EIF4E2: variants seen among roughly 807,000 people sequenced by gnomAD.
The protein encoded by EIF4E2 is eukaryotic translation initiation factor 4E family member 2.
A neutral mutation model predicts 34.2 loss-of-function variants in EIF4E2; 13 were observed. That is an observed-to-expected ratio of 0.38 (90% confidence interval 0.25 to 0.60). The LOEUF is 0.60. EIF4E2 is among the 20% of genes least tolerant of loss of function. The pLI, the probability that EIF4E2 is intolerant of heterozygous loss-of-function variation, is 0.62. For missense variants in EIF4E2, 222 were observed against 315.1 expected, an observed-to-expected ratio of 0.70 and a Z score of 2.24; for synonymous variants, 100 against 106.6, an observed-to-expected ratio of 0.94 and a Z score of 0.38.
downstream of EIF4E2, among the ~76,000 whole-genome samples, chr2:232,572,293 G>C (rs1022013037): frequency 2.6e-5 from 4 of 152,158 alleles, no homozygotes; most frequent in African/African-American, 9.7e-5. Context: ...GAATAAGAGT[G>C]ATTATACCAA....
At chr2:232,551,672 C>T (rs1692334911) in intron 1 of EIF4E2, among the ~76,000 whole-genome samples, 1 of 152,180 alleles carries the variant, frequency 6.6e-6, no homozygotes, top group African/African-American at 2.4e-5. Context: ...TCAGATCACA[C>T]TCAGCGATGC....
At position 232,564,239 on chromosome 2, in the gene EIF4E2, C is replaced by G. The variant is rs142557943; in HGVS notation, c.271-8C>G. 7 of 1,577,214 alleles carry G rather than the reference C, an allele frequency of 4.4e-6. No homozygotes were observed. The South Asian group carries it at 8.1e-5, about 18-fold the overall frequency. ...CATGTTTTTTACTCTGGGGTCTTCT[C>G]TCTGCAGGTGGAGCAGTTCTGGAGG... On this transcript the variant is annotated splice_polypyrimidine_tract_variant and splice_region_variant and intron_variant, in intron 3 of 6. Transcript: ENST00000258416.
chr2:232,557,537 A>G (rs1203567670), intron 2 of EIF4E2: 2 of 223,862 alleles, frequency 8.9e-6, no homozygotes, highest in South Asian at 7.8e-5. Flanking sequence ...AGGTAAGAAG[A>G]TGAGGCACAA....
At chr2:232,563,183 C>T (rs898973947) in intron 3 of EIF4E2, among the ~76,000 whole-genome samples, 19 of 152,196 alleles carry the variant, frequency 1.2e-4, no homozygotes, top group Admixed American at 5.2e-4. Context: ...TCCGTGTTTT[C>T]TCTTTCCTCC....
intron 1 of EIF4E2, among the ~76,000 whole-genome samples, chr2:232,552,810 A>G (rs1220895055): frequency 6.7e-6 from 1 of 150,170 alleles, no homozygotes; most frequent in East Asian, 1.9e-4. Context: ...AAAAAAAAAG[A>G]AAAACAAGCT....
rs137974297 is a variant in EIF4E2 at position 232,564,631 on chromosome 2, T to C, written c.375+280T>C. ...GCGCCCGGCTAATTTTTTGTGTTTT[T>C]TAGTAGAGACGGAGTTTCACCGTGT... is the stretch of plus-strand genomic sequence containing the variant. On this transcript the variant is annotated intron_variant, in intron 4 of 6. Transcript: ENST00000258416. Among the ~76,000 whole-genome samples, 596 of 152,298 alleles carry C rather than the reference T, an allele frequency of 3.9e-3. 4 individuals carry two copies. The highest frequency in any genetic ancestry group is 0.014 in the African/African-American group (582 of 41,542).
chr2:232,580,456 C>A (rs533477919), intron 6 of EIF4E2, among the ~76,000 whole-genome samples: 1 of 152,290 alleles, frequency 6.6e-6, no homozygotes, highest in Admixed American at 6.5e-5. Context: ...TCCTGTGTAG[C>A]CTTGCAAAGT....
chr2:232,557,272 A>G (rs1169847825), intron 2 of EIF4E2, among the ~76,000 whole-genome samples: 1 of 152,150 alleles, frequency 6.6e-6, no homozygotes, highest in African/African-American at 2.4e-5. Flanking sequence ...ATATCAAAGC[A>G]ATCACTAATT....
downstream of EIF4E2, chr2:232,573,885 A>T: frequency 2.5e-6 from 1 of 396,954 alleles, no homozygotes. Context: ...ACCTGTGCAC[A>T]CATAGGCAAG....
Position 232,566,958 on chromosome 2 carries a change from GC to G in EIF4E2, c.506del (p.Ala169ValfsTer74). ...CATGGTTGGGGAGGAGATCTGTGGG[GC>G]TGTGGTGTCTGTCCGCTTTCAGGTA... ...QFMVGEEICG[A>X]VVSVRFQEDI... is the part of the protein sequence containing the mutation. On this transcript the variant is annotated frameshift_variant, in exon 5 of 7. Coordinates refer to ENST00000258416, the MANE Select transcript of EIF4E2 (RefSeq NM_004846.4). LOFTEE classifies it high-confidence loss of function. This position sits in a 1 kb window ranked among gnomAD's most constrained non-coding sequence, Gnocchi z 4.9. 1 of 1,600,646 alleles carries G rather than the reference GC, an allele frequency of 6.2e-7. No homozygotes were observed. Among genetic ancestry groups the G allele is most frequent in the Non-Finnish European group, 8.5e-7 (1 of 1,173,066 alleles).
chr2:232,557,924 A>C lies in EIF4E2; in HGVS notation c.176A>C (p.Asn59Thr). The change falls in exon 3 of 7, where the codon AAC becomes ACC. Residue 59 changes from asparagine (N) to threonine (T), a missense_variant. Around this residue, in one of 3 missense-constraint regions of EIF4E2, gnomAD observed 87 missense variants for 93.6 expected, o/e 0.93. Transcript: ENST00000258416. Reference protein sequence around the residue: ...PGPAEHPLQYNYTFWYSRRTP... With the variant: ...PGPAEHPLQYTYTFWYSRRTP... ...CCGGCAGAGCATCCCCTGCAGTACAACTACACTTTTTGGTACTCCAGGAGA... is the reference window on the plus strand; with the variant it reads ...CCGGCAGAGCATCCCCTGCAGTACACCTACACTTTTTGGTACTCCAGGAGA... 1.9e-6 allele frequency: 3 copies of C among 1,614,032 alleles called. No individual in the cohort carries two copies. The highest frequency in any genetic ancestry group is 2.5e-6 in the Non-Finnish European group (3 of 1,180,016).
downstream of EIF4E2, among the ~76,000 whole-genome samples, chr2:232,570,008 T>A (rs1693054654): frequency 6.6e-6 from 1 of 152,244 alleles, no homozygotes; most frequent in Admixed American, 6.5e-5. Context: ...CATGCTACTT[T>A]AGGTTTTCTT....
At chr2:232,557,683 A>G (rs1250006182) in intron 2 of EIF4E2, 7 of 620,374 alleles carry the variant, frequency 1.1e-5, no homozygotes, top group Non-Finnish European at 2.0e-5. Flanking sequence ...GAACACAGGT[A>G]AAGTGTTTCA....
chr2:232,577,972 ATC>A (rs1379720739), intron 6 of EIF4E2, among the ~76,000 whole-genome samples: 1 of 152,092 alleles, frequency 6.6e-6, no homozygotes, highest in Non-Finnish European at 1.5e-5. Flanking sequence ...CTGCCTCCTA[ATC>A]TCTCTGCGCT....
chr2:232,582,617 G>T (rs959746634), exon 7 of EIF4E2: 8 of 152,170 alleles, frequency 5.3e-5, no homozygotes, highest in African/African-American at 1.9e-4. Context: ...CCCCAGGGAG[G>T]TCTTCACTTT....
At chr2:232,557,326 A>C (rs929776401) in intron 2 of EIF4E2, among the ~76,000 whole-genome samples, 2 of 141,504 alleles carry the variant, frequency 1.4e-5, no homozygotes, top group Non-Finnish European at 3.1e-5. Flanking sequence ...GGTTACTAGC[A>C]TTTTATGCTA....
chr2:232,561,192 G>A lies in EIF4E2; in HGVS notation c.271-3055G>A, dbSNP rs183250900. 1.6e-3 allele frequency among the ~76,000 whole-genome samples: 247 copies of A among 152,212 alleles called. 1 individual carries two copies. Among genetic ancestry groups the A allele is most frequent in the African/African-American group, 5.7e-3 (235 of 41,542 alleles). On this transcript the variant is annotated intron_variant, in intron 3 of 6. Transcript: ENST00000258416. ...CTCATGCCTGTAATCCCAGCACTTC[G>A]GGAGGCCAAGGTGGGAGGATCGCTT...
At chr2:232,567,562 T>C (rs980941871) in intron 6 of EIF4E2, 16 of 1,227,120 alleles carry the variant, frequency 1.3e-5, no homozygotes, top group East Asian at 3.5e-5. Context: ...TTAAGATAAT[T>C]TCACCCTGCC....
At chr2:232,551,870 C>T (rs189163744) in intron 1 of EIF4E2, among the ~76,000 whole-genome samples, 1 of 152,238 alleles carries the variant, frequency 6.6e-6, no homozygotes, top group East Asian at 1.9e-4. Flanking sequence ...GGAATGTTTT[C>T]TGGTTGCTGA....
Sources: allele counts gnomAD v4.1 joint callset (sites outside exome capture counted in the v4.1 genomes callset), GRCh38; gene constraint gnomAD v4.1.1; regional missense constraint gnomAD v4.1.1; non-coding constraint Gnocchi (gnomAD v3.1); transcripts MANE v1.5; gene names NCBI Gene and HGNC (gene_info 2026-07-23, HGNC 2026-07-21).